Variants in CCDC85A observed in about 807,000 individuals in gnomAD.
The protein encoded by CCDC85A is coiled-coil domain containing 85A.
Under a neutral mutation model 50.2 loss-of-function variants are expected in CCDC85A, and 38 were observed. That is an observed-to-expected ratio of 0.76 (90% confidence interval 0.58 to 0.99). CCDC85A has a LOEUF of 0.99. CCDC85A is among the 50% of genes least tolerant of loss of function. The probability of loss-of-function intolerance (pLI) is 0.00; values close to 1 mark genes in which losing one functional copy is unlikely to be tolerated. For missense variants in CCDC85A, 820 were observed against 742.0 expected, an observed-to-expected ratio of 1.11 and a Z score of -1.22; for synonymous variants, 366 against 301.4, an observed-to-expected ratio of 1.21 and a Z score of -2.22.
At chr2:56,364,370 T>G (rs1473910209) in intron 3 of CCDC85A, among the ~76,000 whole-genome samples, 1 of 152,228 alleles carries the variant, frequency 6.6e-6, no homozygotes, top group Admixed American at 6.5e-5. Flanking sequence ...ATCTGTAAGT[T>G]TCACCTGGAG....
intron 3 of CCDC85A, among the ~76,000 whole-genome samples, chr2:56,364,055 T>C (rs1675668453): frequency 6.6e-6 from 1 of 152,256 alleles, no homozygotes; most frequent in Non-Finnish European, 1.5e-5. Flanking sequence ...GGGAGTTCTA[T>C]AGTTAATAAA....
At chr2:56,242,882 A>G (rs1247002301) in intron 2 of CCDC85A, among the ~76,000 whole-genome samples, 2 of 151,998 alleles carry the variant, frequency 1.3e-5, no homozygotes, top group East Asian at 1.9e-4. Flanking sequence ...TCTGTTAGTA[A>G]TTTATAGTTT....
chr2:56,228,110 C>G (rs2103927666), intron 2 of CCDC85A, among the ~76,000 whole-genome samples: 1 of 152,296 alleles, frequency 6.6e-6, no homozygotes, highest in South Asian at 2.1e-4. Context: ...TAACTCTTAA[C>G]TGAGAACTTC....
chr2:56,224,402 T>C (rs1668457483), intron 2 of CCDC85A, among the ~76,000 whole-genome samples: 1 of 152,240 alleles, frequency 6.6e-6, no homozygotes, highest in Non-Finnish European at 1.5e-5. Context: ...TTGGCTGTTA[T>C]GAATATTGCT....
At chr2:56,382,920 T>A (rs1337915002) in intron 5 of CCDC85A, among the ~76,000 whole-genome samples, 4 of 151,988 alleles carry the variant, frequency 2.6e-5, no homozygotes, top group African/African-American at 9.7e-5. Context: ...AAAAGGAAAG[T>A]CCATAGCATC....
intron 2 of CCDC85A, among the ~76,000 whole-genome samples, chr2:56,199,067 A>G (rs1028910745): frequency 1.3e-5 from 2 of 152,218 alleles, no homozygotes; most frequent in African/African-American, 4.8e-5. Context: ...ATGATAGAAA[A>G]AAAATGTGAC....
chr2:56,285,817 A>C (rs571444221), intron 2 of CCDC85A, among the ~76,000 whole-genome samples: 1 of 152,038 alleles, frequency 6.6e-6, no homozygotes, highest in African/African-American at 2.4e-5. Context: ...CACTATTTCC[A>C]GTGTTGTTCT....
At chr2:56,322,526 A>T (rs1301172224) in intron 2 of CCDC85A, among the ~76,000 whole-genome samples, 1 of 152,226 alleles carries the variant, frequency 6.6e-6, no homozygotes, top group East Asian at 1.9e-4. Flanking sequence ...TTATGCAGCC[A>T]ACAGACACAT....
intron 2 of CCDC85A, among the ~76,000 whole-genome samples, chr2:56,320,531 G>C (rs1382098359): frequency 6.6e-6 from 1 of 151,968 alleles, no homozygotes; most frequent in Admixed American, 6.6e-5. Flanking sequence ...AATAAACTAG[G>C]AAATCTAGAA....
At chr2:56,305,827 A>G (rs1672418101) in intron 2 of CCDC85A, among the ~76,000 whole-genome samples, 1 of 152,194 alleles carries the variant, frequency 6.6e-6, no homozygotes, top group African/African-American at 2.4e-5. Context: ...CTTACTTCTG[A>G]TTGTGTAATC....
chr2:56,280,460 A>G (rs1432849295), intron 2 of CCDC85A, among the ~76,000 whole-genome samples: 3 of 152,170 alleles, frequency 2.0e-5, no homozygotes, highest in Non-Finnish European at 4.4e-5. Flanking sequence ...GTTATAAGTA[A>G]TTATAGTACT....
chr2:56,215,797 T>C (rs998557542), intron 2 of CCDC85A, among the ~76,000 whole-genome samples: 1 of 151,914 alleles, frequency 6.6e-6, no homozygotes, highest in Non-Finnish European at 1.5e-5. Flanking sequence ...CGGTAAATTA[T>C]GGCCAGTAGG....
chr2:56,243,298 A>G (rs898081366), intron 2 of CCDC85A, among the ~76,000 whole-genome samples: 12 of 151,870 alleles, frequency 7.9e-5, no homozygotes, highest in Non-Finnish European at 1.6e-4. Flanking sequence ...TATTTTCCAG[A>G]TGTTGTAGGA....
chr2:56,195,845 T>C (rs6728383), intron 2 of CCDC85A, among the ~76,000 whole-genome samples: 11,251 of 152,112 alleles, frequency 0.074, 461 homozygotes, highest in East Asian at 0.17. Context: ...AAAAAGCATG[T>C]GAAAACAAAT....
intron 2 of CCDC85A, among the ~76,000 whole-genome samples, chr2:56,199,819 A>G (rs576595390): frequency 6.6e-6 from 1 of 152,348 alleles, no homozygotes; most frequent in African/African-American, 2.4e-5. Context: ...GCTTCAGTGC[A>G]TAGTCCATAT....
At position 56,281,062 on chromosome 2, in the gene CCDC85A, T is replaced by G. The variant is rs1310585810; in HGVS notation, c.1241-61817T>G. ...TAAATAAAGATTTAGAACATTTCCA[T>G]CACCCCCAAAAGTTACCTTTTACCC... On this transcript the variant is annotated intron_variant, in intron 2 of 5. Transcript: ENST00000407595. Among the ~76,000 whole-genome samples the G allele has an allele frequency of 2.0e-5, 3 of 152,134 alleles. No individual in the cohort carries two copies. The South Asian group carries it at 6.2e-4, about 32-fold the overall frequency.
chr2:56,372,869 C>T (rs573521733), intron 4 of CCDC85A, among the ~76,000 whole-genome samples: 1 of 152,276 alleles, frequency 6.6e-6, no homozygotes, highest in African/African-American at 2.4e-5. Context: ...TCATGTGTAG[C>T]TTGAAAACAA....
intron 3 of CCDC85A, among the ~76,000 whole-genome samples, chr2:56,345,707 G>A (rs1200621358): frequency 6.6e-6 from 1 of 152,190 alleles, no homozygotes; most frequent in Non-Finnish European, 1.5e-5. Flanking sequence ...ATGGGAGACT[G>A]AGACTTCAGC....
chr2:56,351,392 G>T lies in CCDC85A; in HGVS notation c.1317+8437G>T, dbSNP rs1314339227. On this transcript the variant is annotated intron_variant, in intron 3 of 5. Coordinates refer to ENST00000407595, the MANE Select transcript of CCDC85A (RefSeq NM_001080433.2). The stretch of plus-strand genomic sequence containing the variant: ...AGTAATGGGATGGCTGGGTCAAATG[G>T]TATTTCCAGTTCTAGATCCCTGAGG... 7.6e-4 allele frequency among the ~76,000 whole-genome samples: 113 copies of T among 147,818 alleles called. 1 individual carries two copies. The South Asian group carries it at 8.0e-3, about 11-fold the overall frequency.
Sources: allele counts gnomAD v4.1 joint callset (sites outside exome capture counted in the v4.1 genomes callset), GRCh38; gene constraint gnomAD v4.1.1; transcripts MANE v1.5; gene names NCBI Gene and HGNC (gene_info 2026-07-23, HGNC 2026-07-21).